The following CDCP1 variants were observed in gnomAD, a reference collection of about 807,000 sequenced individuals.
CDCP1 encodes the protein CUB domain-containing protein 1.
CDCP1 carries 29 observed loss-of-function variants against 60.2 expected under a neutral mutation model. That is an observed-to-expected ratio of 0.48 (90% confidence interval 0.36 to 0.66). The LOEUF (loss-of-function observed/expected upper bound fraction) is 0.66, where lower values mean the gene tolerates loss of function less well. Among genes scored for constraint, CDCP1 ranks in the 30% least tolerant of loss-of-function variants. The pLI is 0.00. For synonymous variants in CDCP1, 387 were observed against 431.1 expected (o/e 0.90, Z 1.27); for missense variants, 876 against 1,074.3 (o/e 0.82, Z 2.58).
intron 1 of CDCP1, among the ~76,000 whole-genome samples, chr3:45,125,037 G>A (rs552547655): frequency 6.6e-6 from 1 of 152,292 alleles, no homozygotes; most frequent in East Asian, 1.9e-4. Context: ...AACCATCTGG[G>A]GGTGGTGGTC....
At chr3:45,118,999 G>C (rs1230837318) in intron 1 of CDCP1, among the ~76,000 whole-genome samples, 2 of 152,120 alleles carry the variant, frequency 1.3e-5, no homozygotes, top group East Asian at 1.9e-4. Flanking sequence ...TCTACACACA[G>C]AAACCATCCA....
At chr3:45,141,466 C>T (rs1045135024) in intron 1 of CDCP1, among the ~76,000 whole-genome samples, 3 of 152,122 alleles carry the variant, frequency 2.0e-5, no homozygotes, top group Non-Finnish European at 4.4e-5. Flanking sequence ...ATACTTTTTC[C>T]CACATAAAAT....
In CDCP1 at chr3:45,093,632, T is replaced by C. The variant is rs201616677; in HGVS notation, c.1272A>G (p.Gln424=). ...GCACCTGGAGTGAGTAGGATTTCCT[T>C]TGGCAGTACCGGTGGTCTGTGCAGC... is the stretch of plus-strand genomic sequence containing the variant. ...TISCTDHRYC[Q]RKSYSLQVPS... The change falls in exon 6 of 9, where the codon CAA becomes CAG. Residue 424 remains glutamine, a synonymous_variant. Coordinates refer to ENST00000296129, the MANE Select transcript of CDCP1 (RefSeq NM_022842.5). The C allele has an allele frequency of 4.0e-5, 64 of 1,613,460 alleles. No individual in the cohort carries two copies. Among genetic ancestry groups the C allele is most frequent in the Non-Finnish European group, 1.3e-5 (15 of 1,179,662 alleles).
intron 1 of CDCP1, chr3:45,139,280 C>T (rs528338272): frequency 7.9e-5 from 12 of 152,368 alleles, no homozygotes; most frequent in African/African-American, 2.9e-4. Context: ...GTGCACACAT[C>T]ATTTCATTCA....
chr3:45,098,616 C>T (rs1698440587), intron 4 of CDCP1, among the ~76,000 whole-genome samples: 1 of 149,900 alleles, frequency 6.7e-6, no homozygotes, highest in South Asian at 2.1e-4. Context: ...ACCCCCACAA[C>T]ACAGCACAGA....
chr3:45,112,539 T>C (rs545162559), intron 2 of CDCP1, 94 bp from the exon 3 acceptor site: 3 of 1,516,872 alleles, frequency 2.0e-6, no homozygotes, highest in Middle Eastern at 2.2e-4. Context: ...AGTAGACTCT[T>C]TGGGGCTCCC....
At chr3:45,142,346 G>A (rs1699305418) in intron 1 of CDCP1, among the ~76,000 whole-genome samples, 1 of 152,150 alleles carries the variant, frequency 6.6e-6, no homozygotes, top group African/African-American at 2.4e-5. Flanking sequence ...TGAGGCTTGT[G>A]TTATAAGCCA....
intron 1 of CDCP1, among the ~76,000 whole-genome samples, chr3:45,130,960 G>C (rs556101915): frequency 1.1e-4 from 17 of 151,948 alleles, no homozygotes; most frequent in African/African-American, 3.9e-4. Flanking sequence ...TTGACCTCCC[G>C]GGCTCACGCA....
chr3:45,125,452 T>A (rs1035013781), intron 1 of CDCP1, among the ~76,000 whole-genome samples: 2 of 152,252 alleles, frequency 1.3e-5, no homozygotes, highest in Non-Finnish European at 2.9e-5. Flanking sequence ...TCTTGGTGCC[T>A]CACTTTCCTC....
rs1226567693 is a variant in CDCP1 at position 45,085,331 on chromosome 3, G to A, written c.*307C>T. ...CCTCTGTTTAACACTCTGAATCCAGGGCTTGCTGCAACCCTATGCTAGGTG... is the reference window on the plus strand; with the variant it reads ...CCTCTGTTTAACACTCTGAATCCAGAGCTTGCTGCAACCCTATGCTAGGTG... On this transcript the variant is annotated 3_prime_UTR_variant, in exon 9 of 9. Transcript: ENST00000296129. The surrounding 1 kb of genome is among the most constrained non-coding windows in gnomAD (Gnocchi z 4.2). The A allele has an allele frequency of 3.2e-6, 1 of 310,730 alleles. No individual in the cohort carries two copies. The highest frequency in any genetic ancestry group is 2.1e-5 in the African/African-American group (1 of 47,104). The allele number at this position is 310,730 out of a possible 1,614,324, so 19.2% of individuals were successfully genotyped here.
intron 4 of CDCP1, among the ~76,000 whole-genome samples, chr3:45,097,758 A>T (rs529890078): frequency 4.6e-5 from 7 of 152,322 alleles, no homozygotes; most frequent in Non-Finnish European, 8.8e-5. Context: ...TAGTAGCACA[A>T]TTAGGAAAAT....
chr3:45,082,875 G>C lies in CDCP1; in HGVS notation c.*2763C>G. 6.6e-6 allele frequency: 1 copy of C among 152,218 alleles called. No individual in the cohort carries two copies. Among genetic ancestry groups the C allele is most frequent in the Non-Finnish European group, 1.5e-5 (1 of 68,046 alleles). 9.4% of individuals were successfully genotyped at this position (152,218 alleles called of 1,614,324 possible). On this transcript the variant is annotated 3_prime_UTR_variant, in exon 9 of 9. Transcript: ENST00000296129. ...AATGTTTTACGTAAGTGGGGCCTGG[G>C]CTTTAAAGAAAAGAGCCAGGGTTCC...
intron 8 of CDCP1, among the ~76,000 whole-genome samples, chr3:45,088,379 G>A (rs1459962464): frequency 1.6e-4 from 24 of 152,100 alleles, no homozygotes; most frequent in Admixed American, 1.5e-3. Flanking sequence ...CCAGTTACTC[G>A]GGAGGCTGAG....
rs559002687 is a variant in CDCP1, at chr3:45,090,513, C to A, written c.1993+660G>T. 4.9e-4 allele frequency among the ~76,000 whole-genome samples: 75 copies of A among 152,276 alleles called. 1 individual carries two copies. The Middle Eastern group carries it at 0.017, about 35-fold the overall frequency. Reference sequence around the variant, plus strand: ...CATATTTTAATTCATGACACCGAATCCCATGATACTTTTATGAGGTGGCTA... The same window carrying A: ...CATATTTTAATTCATGACACCGAATACCATGATACTTTTATGAGGTGGCTA... On this transcript the variant is annotated intron_variant, in intron 7 of 8. Coordinates refer to ENST00000296129, the MANE Select transcript of CDCP1 (RefSeq NM_022842.5).
chr3:45,118,709 A>T (rs1698834458), intron 1 of CDCP1, 88 bp from the exon 2 acceptor site: 2 of 980,974 alleles, frequency 2.0e-6, no homozygotes, highest in South Asian at 2.9e-5. Context: ...TTCAGAGAGG[A>T]TGTCCTCTAT....
chr3:45,093,347 G>A lies in CDCP1; in HGVS notation c.1557C>T (p.Thr519=), dbSNP rs776395916. The change falls in exon 6 of 9, where the codon ACC becomes ACT. Residue 519 remains threonine, a synonymous_variant. Coordinates refer to ENST00000296129, the MANE Select transcript of CDCP1 (RefSeq NM_022842.5). Reference sequence around the variant, plus strand: ...CCTCTTGTTGGAAGCTGGGGGCAAAGGTGCGAAGGGTCACCGAGATGTTCT... The same window carrying A: ...CCTCTTGTTGGAAGCTGGGGGCAAAAGTGCGAAGGGTCACCGAGATGTTCT... The part of the protein sequence containing the change: ...VKQNISVTLR[T]FAPSFQQEAS... 4 of 1,614,202 alleles carry A rather than the reference G, an allele frequency of 2.5e-6. No individual in the cohort carries two copies. The highest frequency in any genetic ancestry group is 3.4e-6 in the Non-Finnish European group (4 of 1,180,026).
intron 1 of CDCP1, among the ~76,000 whole-genome samples, chr3:45,124,561 G>A (rs537327445): frequency 2.6e-5 from 4 of 152,242 alleles, no homozygotes; most frequent in South Asian, 4.1e-4. Flanking sequence ...GCTCAGTCAC[G>A]GCTTGCATGT....
intron 3 of CDCP1, 47 bp downstream of exon 3, chr3:45,112,036 T>G: frequency 1.3e-6 from 2 of 1,582,198 alleles, no homozygotes; most frequent in African/African-American, 2.7e-5. Context: ...ACAATGATGA[T>G]CTTGTGTGTT....
chr3:45,106,184 G>C (rs191320702), intron 4 of CDCP1, among the ~76,000 whole-genome samples: 2 of 152,280 alleles, frequency 1.3e-5, no homozygotes, highest in Admixed American at 1.3e-4. Flanking sequence ...TGGACAATTA[G>C]GTTCAAGGTA....
Sources: allele counts gnomAD v4.1 joint callset (sites outside exome capture counted in the v4.1 genomes callset), GRCh38; gene constraint gnomAD v4.1.1; non-coding constraint Gnocchi (gnomAD v3.1); transcripts MANE v1.5; gene names NCBI Gene and HGNC (gene_info 2026-07-23, HGNC 2026-07-21).